PDGFC: variants seen among roughly 807,000 people sequenced by gnomAD.
PDGFC encodes the protein platelet derived growth factor C, also known as platelet-derived growth factor C.
Under a neutral mutation model 35.5 loss-of-function variants are expected in PDGFC, and 12 were observed. The ratio of observed to expected loss-of-function variants is 0.34; its 90% CI spans 0.22 to 0.55. The LOEUF is 0.55. PDGFC is among the 20% of genes least tolerant of loss of function. PDGFC has a pLI of 0.91. For missense variants in PDGFC, 322 were observed against 412.4 expected (o/e 0.78, Z 1.90); for synonymous variants, 159 against 148.8 (o/e 1.07, Z -0.50).
intron 2 of PDGFC, among the ~76,000 whole-genome samples, chr4:156,826,594 A>G (rs1728761445): frequency 6.6e-6 from 1 of 152,216 alleles, no homozygotes; most frequent in South Asian, 2.1e-4. Flanking sequence ...GCATCTTTAA[A>G]GGATTTACTA....
chr4:156,829,802 T>A (rs538692291), intron 2 of PDGFC, among the ~76,000 whole-genome samples: 3 of 152,266 alleles, frequency 2.0e-5, no homozygotes, highest in South Asian at 4.1e-4. Flanking sequence ...ATATTCAGAA[T>A]TTTTATCTAC....
At chr4:156,954,692 T>C (rs1346020018) in intron 1 of PDGFC, among the ~76,000 whole-genome samples, 1 of 152,036 alleles carries the variant, frequency 6.6e-6, no homozygotes. Context: ...GCCAATCATG[T>C]TCTTTGTGCA....
At chr4:156,804,905 A>G (rs762733034) in intron 3 of PDGFC, among the ~76,000 whole-genome samples, 11 of 152,024 alleles carry the variant, frequency 7.2e-5, no homozygotes, top group East Asian at 1.9e-4. Flanking sequence ...CAATTAATCT[A>G]CGATTTTATT....
chr4:156,955,447 T>C (rs1732185277), intron 1 of PDGFC, among the ~76,000 whole-genome samples: 2 of 152,076 alleles, frequency 1.3e-5, no homozygotes, highest in South Asian at 4.1e-4. Context: ...TTAGCTGGAT[T>C]GTGGTAATCC....
intron 1 of PDGFC, among the ~76,000 whole-genome samples, chr4:156,875,103 T>C (rs1730080843): frequency 2.6e-5 from 4 of 151,848 alleles, no homozygotes; most frequent in Non-Finnish European, 4.4e-5. Flanking sequence ...ATATTGCAAT[T>C]AACAGGGAAA....
intron 2 of PDGFC, among the ~76,000 whole-genome samples, chr4:156,843,921 A>G (rs1013571781): frequency 6.6e-6 from 1 of 152,174 alleles, no homozygotes. Flanking sequence ...CAACTGAAGC[A>G]TCAATAGTTT....
chr4:156,855,663 C>T (rs1282709750), intron 1 of PDGFC, among the ~76,000 whole-genome samples: 1 of 152,148 alleles, frequency 6.6e-6, no homozygotes, highest in Non-Finnish European at 1.5e-5. Flanking sequence ...ATTGATAATA[C>T]ACACATTCAC....
At chr4:156,912,504 C>T (rs1229193961) in intron 1 of PDGFC, among the ~76,000 whole-genome samples, 1 of 152,156 alleles carries the variant, frequency 6.6e-6, no homozygotes, top group Non-Finnish European at 1.5e-5. Flanking sequence ...CTCCTTCCTT[C>T]CTTTCCTATC....
chr4:156,773,883 G>A (rs1560805622), intron 3 of PDGFC, among the ~76,000 whole-genome samples: 2 of 152,138 alleles, frequency 1.3e-5, no homozygotes. Context: ...AAGACTGGAA[G>A]CAATCTAAAT....
At chr4:156,806,772 T>A (rs2110931900) in intron 3 of PDGFC, among the ~76,000 whole-genome samples, 1 of 152,182 alleles carries the variant, frequency 6.6e-6, no homozygotes, top group Admixed American at 6.5e-5. Flanking sequence ...TATTTCAGCC[T>A]TTTTAGGTTT....
intron 5 of PDGFC, among the ~76,000 whole-genome samples, chr4:156,764,674 T>G: frequency 6.6e-6 from 1 of 152,350 alleles, no homozygotes; most frequent in East Asian, 1.9e-4. Context: ...AAATAAAAAT[T>G]ACTTTGACTT....
At chr4:156,915,506 G>A (rs944791453) in intron 1 of PDGFC, among the ~76,000 whole-genome samples, 9 of 152,144 alleles carry the variant, frequency 5.9e-5, no homozygotes, top group African/African-American at 2.2e-4. Context: ...TTCAGTTCTT[G>A]AAAACAAGGT....
At chr4:156,826,981 A>G (rs1728775707) in intron 2 of PDGFC, among the ~76,000 whole-genome samples, 1 of 152,222 alleles carries the variant, frequency 6.6e-6, no homozygotes, top group South Asian at 2.1e-4. Flanking sequence ...AGCATTTTTG[A>G]AGTATTTTAA....
chr4:156,908,757 T>TATA (rs1256642194), intron 1 of PDGFC, among the ~76,000 whole-genome samples: 1 of 152,146 alleles, frequency 6.6e-6, no homozygotes, highest in African/African-American at 2.4e-5. Flanking sequence ...TGCTTGAAAT[T>TATA]ATAGTTCAAT....
At chr4:156,881,024 A>T (rs574061224) in intron 1 of PDGFC, among the ~76,000 whole-genome samples, 1 of 152,296 alleles carries the variant, frequency 6.6e-6, no homozygotes, top group Non-Finnish European at 1.5e-5. Context: ...TTTTGAAAAA[A>T]GTTTTACTAT....
At chr4:156,955,702 C>T (rs762441297) in intron 1 of PDGFC, among the ~76,000 whole-genome samples, 21 of 151,974 alleles carry the variant, frequency 1.4e-4, no homozygotes, top group East Asian at 7.8e-4. Flanking sequence ...TAGGAATTGG[C>T]GCAGAAGGCT....
chr4:156,846,194 T>C (rs1729321557), intron 2 of PDGFC, among the ~76,000 whole-genome samples: 1 of 151,708 alleles, frequency 6.6e-6, no homozygotes, highest in Non-Finnish European at 1.5e-5. Context: ...TTGAAGTATA[T>C]CCCCATAAAT....
chr4:156,825,581 T>TAAGAAGAAGAAGAAGAAGAAG (rs1485958597), intron 2 of PDGFC, among the ~76,000 whole-genome samples: 2 of 92,610 alleles, frequency 2.2e-5, no homozygotes, highest in African/African-American at 5.8e-5. Flanking sequence ...ATAATAATAA[T>TAAGAAGAAGAAGAAGAAGAAG]AATAATAATA....
At chr4:156,893,133 T>C (rs560926743) in intron 1 of PDGFC, among the ~76,000 whole-genome samples, 1 of 152,334 alleles carries the variant, frequency 6.6e-6, no homozygotes, top group Admixed American at 6.5e-5. Context: ...GTCATAATTC[T>C]TTTTAAATTT....
Sources: gnomAD v4.1 joint callset for allele counts (sites outside exome capture counted in the v4.1 genomes callset) on GRCh38, gnomAD v4.1.1 for gene constraint, MANE v1.5 for transcripts, NCBI Gene and HGNC (gene_info 2026-07-23, HGNC 2026-07-21) for gene names.